PRKN: variants seen among roughly 807,000 people sequenced by gnomAD.
The protein encoded by PRKN is E3 ubiquitin-protein ligase parkin.
In PRKN, 56 loss-of-function variants were observed where a neutral mutation model predicts 59.5. That is an observed-to-expected ratio of 0.94 (90% CI 0.76 to 1.18). PRKN has a LOEUF of 1.18. PRKN is among the 50% of genes most tolerant of loss of function. The probability of loss-of-function intolerance (pLI) is 0.00; values close to 1 mark genes in which losing one functional copy is unlikely to be tolerated. For synonymous variants in PRKN, 250 were observed against 222.1 expected (o/e 1.13, Z -1.12); for missense variants, 657 against 596.4 (o/e 1.10, Z -1.06).
chr6:162,013,117 A>G (rs564893596), intron 5 of PRKN, among the ~76,000 whole-genome samples: 2 of 152,240 alleles, frequency 1.3e-5, no homozygotes, highest in East Asian at 3.9e-4. Context: ...AAATGAATCA[A>G]TCCTTCTACA....
intron 2 of PRKN, among the ~76,000 whole-genome samples, chr6:162,307,832 G>C (rs756762802): frequency 6.6e-6 from 1 of 151,216 alleles, no homozygotes; most frequent in Non-Finnish European, 1.5e-5. Context: ...TGAAAACCTT[G>C]TTCCTTTCAG....
At chr6:162,183,717 T>C (rs1479664049) in intron 4 of PRKN, among the ~76,000 whole-genome samples, 1 of 152,182 alleles carries the variant, frequency 6.6e-6, no homozygotes, top group East Asian at 1.9e-4. Context: ...AAGGCCTGTC[T>C]GATTTCTAAG....
Position 161,987,423 on chromosome 6 carries a change from G to A in PRKN, c.619-14006C>T, listed in dbSNP as rs7745683. On this transcript the variant is annotated intron_variant, in intron 5 of 11. Transcript: ENST00000366898. ...TATGATCATCCCTCAGTATCCAGGA[G>A]GGACTGGTTCCAGAAACCCCCTGCA... 4.0e-3 allele frequency among the ~76,000 whole-genome samples: 616 copies of A among 152,228 alleles called. 5 individuals carry two copies. Among genetic ancestry groups the A allele is most frequent in the African/African-American group, 0.014 (561 of 41,522 alleles).
chr6:162,502,956 T>C (rs905512229), intron 1 of PRKN, among the ~76,000 whole-genome samples: 4 of 151,996 alleles, frequency 2.6e-5, no homozygotes, highest in African/African-American at 9.7e-5. Flanking sequence ...AGTTAAAGGA[T>C]CTAAATATAG....
chr6:162,664,090 G>A (rs1779003382), intron 1 of PRKN, among the ~76,000 whole-genome samples: 1 of 151,950 alleles, frequency 6.6e-6, no homozygotes, highest in Non-Finnish European at 1.5e-5. Flanking sequence ...TTGTTACCCT[G>A]TGTCCAGGTG....
intron 2 of PRKN, among the ~76,000 whole-genome samples, chr6:162,335,194 CT>C (rs200467030): frequency 0.12 from 17,116 of 143,606 alleles, 1,070 homozygotes; most frequent in Middle Eastern, 0.19. Flanking sequence ...TTTTCTTTTT[CT>C]TTTTTTTTTT....
intron 2 of PRKN, among the ~76,000 whole-genome samples, chr6:162,442,819 T>C (rs1790121897): frequency 6.6e-6 from 1 of 152,154 alleles, no homozygotes; most frequent in African/African-American, 2.4e-5. Flanking sequence ...CCAAAGCTAG[T>C]TGCCAATGGG....
chr6:161,986,400 A>G (rs931691699), intron 5 of PRKN, among the ~76,000 whole-genome samples: 5 of 151,916 alleles, frequency 3.3e-5, no homozygotes, highest in Non-Finnish European at 5.9e-5. Flanking sequence ...GCTAATCCCC[A>G]ATTTAGGTCT....
At chr6:162,218,556 A>G (rs1777801100) in intron 3 of PRKN, among the ~76,000 whole-genome samples, 1 of 152,162 alleles carries the variant, frequency 6.6e-6, no homozygotes, top group Non-Finnish European at 1.5e-5. Context: ...TTCGTTTATT[A>G]GTTATTAATT....
chr6:161,911,121 G>A (rs1778345479), intron 6 of PRKN, among the ~76,000 whole-genome samples: 1 of 152,022 alleles, frequency 6.6e-6, no homozygotes, highest in African/African-American at 2.4e-5. Flanking sequence ...TTTTACTAAG[G>A]AGAATGGTAT....
rs1791577848 is a variant in PRKN, at chr6:161,484,845, G to C, written c.1083+64009C>G. 2.0e-5 allele frequency among the ~76,000 whole-genome samples: 3 copies of C among 150,296 alleles called. No individual in the cohort carries two copies. The highest frequency in any genetic ancestry group is 7.6e-5 in the African/African-American group (3 of 39,712). ...CTGAGCACCACTGCTCTGACTCAAAGGTGTCTGCTCCTAACCACCTGCCTC... is the reference window on the plus strand; with the variant it reads ...CTGAGCACCACTGCTCTGACTCAAACGTGTCTGCTCCTAACCACCTGCCTC... On this transcript the variant is annotated intron_variant, in intron 9 of 11. Transcript: ENST00000366898. This position sits in a 1 kb window ranked among gnomAD's most constrained non-coding sequence, Gnocchi z 4.9.
rs181971798 is a variant in PRKN at position 162,439,004 on chromosome 6, G to A, written c.171+4306C>T. 2.7e-3 allele frequency among the ~76,000 whole-genome samples: 410 copies of A among 152,122 alleles called. 2 individuals carry two copies. The highest frequency in any genetic ancestry group is 9.5e-3 in the African/African-American group (392 of 41,480). On this transcript the variant is annotated intron_variant, in intron 2 of 11. Coordinates refer to ENST00000366898, the MANE Select transcript of PRKN (RefSeq NM_004562.3). ...CAGCCTACCTTTTCTTTGCCATTTG[G>A]ACCGTGTCATTTCTATGTTCCAACT...
At chr6:162,670,284 A>G (rs1394216517) in intron 1 of PRKN, among the ~76,000 whole-genome samples, 4 of 152,250 alleles carry the variant, frequency 2.6e-5, no homozygotes, top group African/African-American at 9.6e-5. Context: ...CTTTATGACA[A>G]TAACAAGAAA....
intron 6 of PRKN, among the ~76,000 whole-genome samples, chr6:161,830,585 G>A (rs534037447): frequency 2.0e-5 from 3 of 152,092 alleles, no homozygotes; most frequent in East Asian, 1.9e-4. Context: ...GGTGTCACTG[G>A]GTCACTGCTA....
At position 162,011,354 on chromosome 6, in the gene PRKN, T is replaced by TA. The variant is rs1191792886; in HGVS notation, c.619-37938dup. Among the ~76,000 whole-genome samples, 2 of 14,230 alleles carry TA rather than the reference T, an allele frequency of 1.4e-4. 1 individual carries two copies. The allele number at this position is 14,230 out of a possible 152,430, so 9.3% of individuals were successfully genotyped here. ...ATAATATATTATATATTATAATATA[T>TA]ATTTATAATATATATAATATATTAT... On this transcript the variant is annotated intron_variant, in intron 5 of 11. Coordinates refer to ENST00000366898, the MANE Select transcript of PRKN (RefSeq NM_004562.3).
chr6:161,667,705 T>C (rs1270372816), intron 7 of PRKN, among the ~76,000 whole-genome samples: 1 of 152,222 alleles, frequency 6.6e-6, no homozygotes, highest in African/African-American at 2.4e-5. Context: ...GTCAGCATTA[T>C]GTTTTAAATT....
At chr6:161,367,297 C>T (rs747779734) in intron 10 of PRKN, among the ~76,000 whole-genome samples, 3 of 151,988 alleles carry the variant, frequency 2.0e-5, no homozygotes, top group Admixed American at 6.6e-5. Flanking sequence ...GAAGTTTTAA[C>T]AGTACCAAGC....
At position 161,638,738 on chromosome 6, in the gene PRKN, A is replaced by ATTTTTTTTTTTTTTTT. The variant is rs386409169; in HGVS notation, c.872-69338_872-69323dup. ...AGTGAGTGAGTTCTCACGAGATCTG[A>ATTTTTTTTTTTTTTTT]TTTTTTTTTTTTTTTTTTTTTGAGA... is the stretch of plus-strand genomic sequence containing the variant. On this transcript the variant is annotated intron_variant, in intron 7 of 11. Coordinates refer to ENST00000366898, the MANE Select transcript of PRKN (RefSeq NM_004562.3). 5.0e-5 allele frequency among the ~76,000 whole-genome samples: 5 copies of ATTTTTTTTTTTTTTTT among 100,182 alleles called. 1 individual carries two copies. Among genetic ancestry groups the ATTTTTTTTTTTTTTTT allele is most frequent in the African/African-American group, 1.3e-4 (3 of 22,292 alleles). The allele number at this position is 100,182 out of a possible 152,430, so 65.7% of individuals were successfully genotyped here. A position where few individuals can be genotyped will look rare whatever the true frequency, so the allele number is the denominator to read the frequency against.
chr6:161,932,410 C>A (rs545808995), intron 6 of PRKN, among the ~76,000 whole-genome samples: 3 of 152,164 alleles, frequency 2.0e-5, no homozygotes, highest in African/African-American at 7.2e-5. Context: ...TTTCCAAGAT[C>A]TTTAGGCAAG....
Sources: allele counts gnomAD v4.1 joint callset (sites outside exome capture counted in the v4.1 genomes callset), GRCh38; gene constraint gnomAD v4.1.1; non-coding constraint Gnocchi (gnomAD v3.1); transcripts MANE v1.5; gene names NCBI Gene and HGNC (gene_info 2026-07-23, HGNC 2026-07-21).